The following PTPRF variants were observed in gnomAD, a reference collection of about 807,000 sequenced individuals.
PTPRF encodes receptor-type tyrosine-protein phosphatase F.
A neutral mutation model predicts 201.8 loss-of-function variants in PTPRF; 59 were observed. That is an observed-to-expected ratio of 0.29 (90% CI 0.24 to 0.36). The LOEUF (loss-of-function observed/expected upper bound fraction) is 0.36. PTPRF is among the 10% of genes least tolerant of loss of function. The probability of loss-of-function intolerance (pLI) is 1.00; values close to 1 mark genes in which losing one functional copy is unlikely to be tolerated. For missense variants in PTPRF, 2,132 were observed against 2,690.5 expected, an observed-to-expected ratio of 0.79 and a Z score of 4.59; for synonymous variants, 1,088 against 1,089.7, an observed-to-expected ratio of 1.00 and a Z score of 0.03.
At chr1:43,587,395 G>A (rs530378568) in intron 7 of PTPRF, among the ~76,000 whole-genome samples, 112 of 152,330 alleles carry the variant, frequency 7.4e-4, no homozygotes, top group African/African-American at 2.6e-3. Context: ...CATGGATTTG[G>A]AAGATATGTT....
intron 5 of PTPRF, among the ~76,000 whole-genome samples, chr1:43,560,660 G>A (rs1408426484): frequency 2.0e-5 from 3 of 152,174 alleles, no homozygotes; most frequent in Non-Finnish European, 2.9e-5. Context: ...CTGTTGGTCC[G>A]CCAGGAAGTT....
In PTPRF at chr1:43,603,083, C is replaced by T. The variant is rs547143668; in HGVS notation, c.2341-333C>T. The stretch of plus-strand genomic sequence containing the variant: ...CAAGAGCCACGCAAGGTGCTGGGTG[C>T]GTGCGAGGCTGTGCCCTGTTGATAT... On this transcript the variant is annotated intron_variant, in intron 14 of 33. Coordinates refer to ENST00000359947, the MANE Select transcript of PTPRF (RefSeq NM_002840.5). The surrounding 1 kb of genome is among the most constrained non-coding windows in gnomAD (Gnocchi z 5.8). Among the ~76,000 whole-genome samples the T allele has an allele frequency of 5.3e-5, 8 of 152,136 alleles. No individual in the cohort carries two copies. Among genetic ancestry groups the T allele is most frequent in the Admixed American group, 4.6e-4 (7 of 15,284 alleles).
chr1:43,551,070 C>T (rs1450271357), intron 3 of PTPRF, among the ~76,000 whole-genome samples: 5 of 151,870 alleles, frequency 3.3e-5, no homozygotes, highest in African/African-American at 1.2e-4. Flanking sequence ...TTTGATAGGG[C>T]GGGGTGTCGG....
chr1:43,594,549 G>A (rs544228042), intron 11 of PTPRF, among the ~76,000 whole-genome samples: 18 of 152,202 alleles, frequency 1.2e-4, no homozygotes, highest in African/African-American at 4.1e-4. Context: ...AGCAGAGACC[G>A]GTTAGGAGGC....
chr1:43,619,942 G>A (rs1658790811), intron 29 of PTPRF, 84 bp downstream of exon 29: 3 of 1,569,600 alleles, frequency 1.9e-6, no homozygotes, highest in Admixed American at 3.5e-5. Flanking sequence ...GCAGAGTAGG[G>A]CCAGCCTAGA....
upstream of PTPRF, among the ~76,000 whole-genome samples, chr1:43,524,912 C>A (rs554249448): frequency 4.6e-5 from 7 of 152,266 alleles, no homozygotes; most frequent in South Asian, 1.5e-3. Context: ...CGGTTCCAAG[C>A]CGACTGGAGA....
At chr1:43,544,329 A>G (rs959763562) in intron 2 of PTPRF, among the ~76,000 whole-genome samples, 3 of 152,204 alleles carry the variant, frequency 2.0e-5, no homozygotes, top group Non-Finnish European at 4.4e-5. Flanking sequence ...GGAAGGTGCC[A>G]TGGGAATGGG....
rs1034684585 is a variant in PTPRF at position 43,591,233 on chromosome 1, T to C, written c.1211T>C (p.Val404Ala). 6.3e-7 allele frequency: 1 copy of C among 1,599,264 alleles called. No individual in the cohort carries two copies. Among genetic ancestry groups the C allele is most frequent in the South Asian group, 1.1e-5 (1 of 90,256 alleles). The change falls in exon 9 of 34, where the codon GTG (valine) becomes GCG (alanine). Residue 404 changes from valine to alanine, a missense_variant. Physicochemically the swap from Val to Ala is moderately conservative, Grantham distance 64. Around this residue, in one of 6 missense-constraint regions of PTPRF, gnomAD observed 351 missense variants for 401.7 expected, o/e 0.87. Coordinates refer to ENST00000359947, the MANE Select transcript of PTPRF (RefSeq NM_002840.5). ...GGGCGAGGGCCGCCCAGCGAGGCAG[T>C]GCGGGCACGCACGGGAGAACAGGCG... ...SIGRGPPSEAVRARTGEQAPS... is the reference protein window; with the variant it reads ...SIGRGPPSEAARARTGEQAPS...
chr1:43,570,193 T>C (rs151261011), intron 6 of PTPRF, among the ~76,000 whole-genome samples: 240 of 152,344 alleles, frequency 1.6e-3, no homozygotes, highest in Non-Finnish European at 3.1e-3. Flanking sequence ...TTCATCAGGC[T>C]TCAAAAGGCT....
rs1166949604 is a variant in PTPRF at position 43,622,299 on chromosome 1, C to T, written c.*296C>T. 1 of 440,724 alleles carries T rather than the reference C, an allele frequency of 2.3e-6. No homozygotes were observed. The highest frequency in any genetic ancestry group is 4.1e-6 in the Non-Finnish European group (1 of 243,158). The allele number at this position is 440,724 out of a possible 1,614,324, so 27.3% of individuals were successfully genotyped here. On this transcript the variant is annotated 3_prime_UTR_variant, in exon 34 of 34. Coordinates refer to ENST00000359947, the MANE Select transcript of PTPRF (RefSeq NM_002840.5). ...CTCCCGCATTTCTCATGCTTCTTCT[C>T]ATGGGGTGGGGTTGGGGCAAAGCCT...
At chr1:43,538,435 G>A (rs1400975699) in intron 2 of PTPRF, among the ~76,000 whole-genome samples, 158 bp downstream of exon 2, 1 of 152,170 alleles carries the variant, frequency 6.6e-6, no homozygotes, top group Non-Finnish European at 1.5e-5. Flanking sequence ...GAGAGATTGT[G>A]GAGGCCTGGA....
intron 23 of PTPRF, among the ~76,000 whole-genome samples, chr1:43,615,107 C>T (rs1052015497): frequency 6.6e-6 from 1 of 152,200 alleles, no homozygotes; most frequent in Admixed American, 6.5e-5. Flanking sequence ...TTGGGGGATG[C>T]ATCCTAGGGC....
At chr1:43,529,596 C>T (rs78447190), upstream of PTPRF, among the ~76,000 whole-genome samples, 2,104 of 152,222 alleles carry the variant, frequency 0.014, 61 homozygotes, top group African/African-American at 0.049. Flanking sequence ...GGGGGTAGGT[C>T]CCCCATCCTT....
chr1:43,584,997 TA>T (rs1648753753), intron 7 of PTPRF, among the ~76,000 whole-genome samples: 1 of 152,256 alleles, frequency 6.6e-6, no homozygotes, highest in Non-Finnish European at 1.5e-5. Flanking sequence ...AGCTGAAATA[TA>T]ATCCAGAAAT....
chr1:43,560,052 GGTGTACAGCAAGCA>G (rs1645694426), intron 5 of PTPRF, among the ~76,000 whole-genome samples: 1 of 148,882 alleles, frequency 6.7e-6, no homozygotes, highest in South Asian at 2.2e-4. Flanking sequence ...AGTTTGCAGG[GGTGTACAGCAAGCA>G]GTGTGCATGG....
chr1:43,545,147 G>A lies in PTPRF; in HGVS notation c.72G>A (p.Val24=). Residue 24 remains valine (V), a synonymous_variant, in exon 3 of 34, where the codon GTG becomes GTA. Coordinates refer to ENST00000359947, the MANE Select transcript of PTPRF (RefSeq NM_002840.5). The part of the protein sequence containing the change: ...LVPALVMLGL[V]AGAHGDSKPV... The stretch of plus-strand genomic sequence containing the variant: ...CTGCACTGGTGATGCTTGGTTTGGT[G>A]GCAGGCGCCCATGGTGACAGTAAGT... 6.3e-7 allele frequency: 1 copy of A among 1,584,072 alleles called. No individual in the cohort carries two copies. Among genetic ancestry groups the A allele is most frequent in the African/African-American group, 1.3e-5 (1 of 74,262 alleles).
At chr1:43,575,292 A>G (rs1646848841) in intron 6 of PTPRF, among the ~76,000 whole-genome samples, 1 of 152,172 alleles carries the variant, frequency 6.6e-6, no homozygotes, top group African/African-American at 2.4e-5. Context: ...CAGCCAGGCC[A>G]AATTGGGGAA....
At chr1:43,598,542 G>A (rs376076196) in intron 12 of PTPRF, 178 bp from the exon 13 acceptor site, 20 of 628,540 alleles carry the variant, frequency 3.2e-5, no homozygotes, top group East Asian at 5.7e-5. Context: ...GCTCTTACCC[G>A]TGGCGGGCAG....
intron 1 of PTPRF, among the ~76,000 whole-genome samples, chr1:43,532,929 C>T (rs1287619639): frequency 3.9e-5 from 6 of 152,192 alleles, no homozygotes; most frequent in Non-Finnish European, 8.8e-5. Flanking sequence ...TCTCGCATAC[C>T]TGGGCCCGCA....
Sources: allele counts gnomAD v4.1 joint callset (sites outside exome capture counted in the v4.1 genomes callset), GRCh38; gene constraint gnomAD v4.1.1; regional missense constraint gnomAD v4.1.1; non-coding constraint Gnocchi (gnomAD v3.1); transcripts MANE v1.5; gene names NCBI Gene and HGNC (gene_info 2026-07-23, HGNC 2026-07-21).